Variants in UBAP2L observed in about 807,000 individuals in gnomAD.
The protein encoded by UBAP2L is ubiquitin associated protein 2 like.
A neutral mutation model predicts 130.6 loss-of-function variants in UBAP2L; 12 were observed. That is an observed-to-expected ratio of 0.09 (90% confidence interval 0.06 to 0.15). The LOEUF (loss-of-function observed/expected upper bound fraction) is 0.15, where lower values mean the gene tolerates loss of function less well. UBAP2L is among the 10% of genes least tolerant of loss of function. The pLI, the probability that UBAP2L is intolerant of heterozygous loss-of-function variation, is 1.00. For missense variants in UBAP2L, 965 were observed against 1,332.5 expected (o/e 0.72, Z 4.29); for synonymous variants, 503 against 524.7 (o/e 0.96, Z 0.57).
chr1:154,259,683 G>T lies in UBAP2L; in HGVS notation c.2497-265G>T, dbSNP rs1338795518. The T allele has an allele frequency of 1.7e-4, 95 of 569,254 alleles. No homozygotes were observed. In the South Asian group the frequency reaches 1.7e-3, roughly 10 times the overall value. 35.3% of individuals were successfully genotyped at this position (569,254 alleles called of 1,614,324 possible). A position where few individuals can be genotyped will look rare whatever the true frequency, so the allele number is the denominator to read the frequency against. ...AAACTGATAGGGATGACACCTAGAG[G>T]GTTGAAAATATTGGTCCTCGTGGAC... On this transcript the variant is annotated intron_variant, in intron 21 of 26. Coordinates refer to ENST00000428931, the MANE Select transcript of UBAP2L (RefSeq NM_014847.4).
chr1:154,251,569 C>T lies in UBAP2L; in HGVS notation c.1580C>T (p.Pro527Leu), dbSNP rs747256352. Residue 527 changes from proline (P) to leucine (L), a missense_variant, in exon 14 of 27, where the codon CCT becomes CTT. Pro to Leu is a moderately conservative substitution (Grantham distance 98, BLOSUM62 -3). Around this residue, in one of 9 missense-constraint regions of UBAP2L, gnomAD observed 393 missense variants for 408.1 expected, o/e 0.96. Transcript: ENST00000428931. ...QFGALQFGSE[P>L]VLSDYESTPT... ...GGGGCATTGCAGTTTGGGTCAGAGC[C>T]TGTCCTTTCTGATTATGAGTCCACC... 7 of 1,614,114 alleles carry T rather than the reference C, an allele frequency of 4.3e-6. No homozygotes were observed. The South Asian group carries it at 7.7e-5, about 18-fold the overall frequency.
chr1:154,252,155 A>T (rs1390681050), intron 14 of UBAP2L, among the ~76,000 whole-genome samples: 1 of 150,724 alleles, frequency 6.6e-6, no homozygotes, highest in Non-Finnish European at 1.5e-5. Context: ...TGTATTTTTT[A>T]GTAGAGATGG....
At chr1:154,258,792 A>C (rs74732624) in intron 20 of UBAP2L, 185 bp from the exon 21 acceptor site, 8,489 of 536,694 alleles carry the variant, frequency 0.016, 102 homozygotes, top group Admixed American at 0.023. Context: ...AAGACCTTTC[A>C]TGAATCATTT....
chr1:154,268,154 G>A (rs1260592354), intron 25 of UBAP2L, among the ~76,000 whole-genome samples: 1 of 151,738 alleles, frequency 6.6e-6, no homozygotes, highest in Non-Finnish European at 1.5e-5. Flanking sequence ...CTCCCAAAAT[G>A]CTGGGATTAC....
intron 13 of UBAP2L, 60 bp from the exon 14 acceptor site, chr1:154,251,421 T>G (rs1677564863): frequency 6.3e-7 from 1 of 1,578,430 alleles, no homozygotes; most frequent in African/African-American, 1.4e-5. Flanking sequence ...AAGGGTTTTT[T>G]TTAGTCTTTA....
chr1:154,251,949 C>T (rs1195967066), intron 14 of UBAP2L, among the ~76,000 whole-genome samples: 2 of 151,958 alleles, frequency 1.3e-5, no homozygotes, highest in Admixed American at 6.6e-5. Context: ...CCAGCCTGGG[C>T]AACATAATGA....
intron 18 of UBAP2L, 146 bp downstream of exon 18, chr1:154,255,901 A>G: frequency 1.1e-6 from 1 of 929,740 alleles, no homozygotes; most frequent in South Asian, 1.4e-5. Context: ...GAGTAAAGGG[A>G]TGTTAGGAAG....
intron 9 of UBAP2L, 82 bp downstream of exon 9, chr1:154,241,647 C>G (rs1474618204): frequency 6.3e-7 from 1 of 1,581,346 alleles, no homozygotes; most frequent in Non-Finnish European, 8.6e-7. Context: ...ATGTTTCTAC[C>G]CCTCAAAATT....
chr1:154,239,548 T>G (rs1248219805), intron 8 of UBAP2L, among the ~76,000 whole-genome samples: 1 of 152,246 alleles, frequency 6.6e-6, no homozygotes, highest in Non-Finnish European at 1.5e-5. Flanking sequence ...GTCTGTTGTT[T>G]AGAGCATTTC....
chr1:154,237,889 G>T (rs1672198497), intron 8 of UBAP2L, among the ~76,000 whole-genome samples: 1 of 152,212 alleles, frequency 6.6e-6, no homozygotes, highest in Non-Finnish European at 1.5e-5. Context: ...GTGGATACGT[G>T]TGCCACTTTC....
intron 14 of UBAP2L, among the ~76,000 whole-genome samples, chr1:154,252,375 G>A (rs940189979): frequency 2.0e-5 from 3 of 150,878 alleles, no homozygotes; most frequent in Admixed American, 1.3e-4. Context: ...CTGCCTCCCA[G>A]GTTCTAGCAA....
At chr1:154,271,081 AC>A, downstream of UBAP2L, 1 of 806,380 alleles carries the variant, frequency 1.2e-6, no homozygotes, top group Non-Finnish European at 1.9e-6. Flanking sequence ...CAACCTGGTG[AC>A]TGGAAAGAAC....
chr1:154,252,609 A>G (rs1412876700), intron 14 of UBAP2L, among the ~76,000 whole-genome samples: 2 of 146,130 alleles, frequency 1.4e-5, no homozygotes, highest in Non-Finnish European at 3.0e-5. Flanking sequence ...GCCCAGGCTG[A>G]AGTGCAATGG....
In UBAP2L at chr1:154,241,633, G is replaced by A. The variant is rs1364703157; in HGVS notation, c.756+68G>A. ...TAAGTGTTGTTTAGGGATAGAAAAT[G>A]GGTATGTTTCTACCCCTCAAAATTC... On this transcript the variant is annotated intron_variant, in intron 9 of 26. Transcript: ENST00000428931. 19 of 1,597,288 alleles carry A rather than the reference G, an allele frequency of 1.2e-5. No homozygotes were observed. The Admixed American group carries it at 3.3e-4, about 28-fold the overall frequency.
chr1:154,233,220 G>A (rs1670440646), intron 4 of UBAP2L, among the ~76,000 whole-genome samples: 1 of 151,844 alleles, frequency 6.6e-6, no homozygotes, highest in Non-Finnish European at 1.5e-5. Context: ...TCACTATGTT[G>A]GCCAGGCTGT....
At chr1:154,252,123 A>C (rs1677843908) in intron 14 of UBAP2L, among the ~76,000 whole-genome samples, 1 of 150,542 alleles carries the variant, frequency 6.6e-6, no homozygotes, top group South Asian at 2.1e-4. Context: ...ACAGGTGCCC[A>C]CCACCATAAC....
Position 154,254,533 on chromosome 1 carries a change from G to A in UBAP2L, c.1855-303G>A, listed in dbSNP as rs1678963856. On this transcript the variant is annotated intron_variant, in intron 15 of 26. Transcript: ENST00000428931. The stretch of plus-strand genomic sequence containing the variant: ...ACTTACCCTTCCCCAAAAATCACTG[G>A]ATGTGGACTTTGGGCCTTTCCTCTA... The A allele has an allele frequency of 1.2e-5, 6 of 496,136 alleles. No homozygotes were observed. In the South Asian group the frequency reaches 1.5e-4, roughly 12 times the overall value. The allele number at this position is 496,136 out of a possible 1,614,324, so 30.7% of individuals were successfully genotyped here. A position where few individuals can be genotyped will look rare whatever the true frequency, so the allele number is the denominator to read the frequency against.
chr1:154,267,312 C>T (rs927367524), intron 25 of UBAP2L, among the ~76,000 whole-genome samples: 2 of 151,436 alleles, frequency 1.3e-5, no homozygotes, highest in Non-Finnish European at 2.9e-5. Context: ...CCCACCACCG[C>T]GCCTGCTAAT....
At chr1:154,265,323 T>C (rs1682932647) in intron 24 of UBAP2L, among the ~76,000 whole-genome samples, 1 of 152,240 alleles carries the variant, frequency 6.6e-6, no homozygotes, top group Non-Finnish European at 1.5e-5. Context: ...TCTAGTACAC[T>C]GCTTCTAAAA....
Sources: gnomAD v4.1 joint callset for allele counts (sites outside exome capture counted in the v4.1 genomes callset) on GRCh38, gnomAD v4.1.1 for gene constraint, gnomAD v4.1.1 regional missense constraint, MANE v1.5 for transcripts, NCBI Gene and HGNC (gene_info 2026-07-23, HGNC 2026-07-21) for gene names.